The following CENPP variants were observed in gnomAD, a reference collection of about 807,000 sequenced individuals.
CENPP encodes centromere protein P.
CENPP carries 24 observed loss-of-function variants against 35.6 expected under a neutral mutation model. The observed-to-expected ratio is 0.67, with a 90% CI of 0.49 to 0.95. The LOEUF (loss-of-function observed/expected upper bound fraction) is 0.95, where lower values mean the gene tolerates loss of function less well. CENPP is among the 40% of genes least tolerant of loss of function. The probability of loss-of-function intolerance (pLI) is 0.00; values close to 1 mark genes in which losing one functional copy is unlikely to be tolerated. For missense variants in CENPP, 332 were observed against 345.3 expected (o/e 0.96, Z 0.31); for synonymous variants, 120 against 125.5 (o/e 0.96, Z 0.29).
intron 5 of CENPP, chr9:92,456,776 G>A (rs1844893650): frequency 5.0e-6 from 1 of 201,638 alleles, no homozygotes; most frequent in African/African-American, 2.4e-5. Context: ...ATTTCAATAA[G>A]ATTATATCAA....
intron 3 of CENPP, among the ~76,000 whole-genome samples, chr9:92,341,162 A>G (rs1176871476): frequency 1.3e-5 from 2 of 152,070 alleles, no homozygotes; most frequent in African/African-American, 2.4e-5. Context: ...GGAAATTCCC[A>G]CCTAATAAAT....
chr9:92,392,835 AG>A (rs1842742020), intron 5 of CENPP, among the ~76,000 whole-genome samples: 1 of 152,208 alleles, frequency 6.6e-6, no homozygotes, highest in African/African-American at 2.4e-5. Context: ...GAGAAGATAT[AG>A]TTGCCCATAT....
chr9:92,439,705 C>T (rs1844339044), intron 5 of CENPP, among the ~76,000 whole-genome samples: 1 of 152,178 alleles, frequency 6.6e-6, no homozygotes, highest in South Asian at 2.1e-4. Flanking sequence ...AGTCCTCTTT[C>T]TCAATCCCAT....
rs544584678 is a variant in CENPP, at chr9:92,512,767, T to C, written c.565-98547T>C. 2.6e-5 allele frequency among the ~76,000 whole-genome samples: 4 copies of C among 152,326 alleles called. No individual in the cohort carries two copies. In the South Asian group the frequency reaches 8.3e-4, roughly 32 times the overall value. On this transcript the variant is annotated intron_variant, in intron 5 of 7. Transcript: ENST00000375587. ...GGAAAGTGAGCATACCAGTAGTACATACCATAAAAGCCACGTGGTGACCTT... is the reference window on the plus strand; with the variant it reads ...GGAAAGTGAGCATACCAGTAGTACACACCATAAAAGCCACGTGGTGACCTT...
chr9:92,412,052 A>T (rs1053833242), intron 5 of CENPP, among the ~76,000 whole-genome samples: 3 of 152,068 alleles, frequency 2.0e-5, no homozygotes, highest in Non-Finnish European at 4.4e-5. Context: ...TCATCTTTTT[A>T]AAGTATATAA....
intron 1 of CENPP, among the ~76,000 whole-genome samples, chr9:92,327,245 C>A (rs1397342454): frequency 4.6e-5 from 7 of 152,194 alleles, no homozygotes; most frequent in Non-Finnish European, 1.0e-4. Context: ...TTTCATTAGT[C>A]CCCATAGTAG....
chr9:92,386,379 G>T, intron 5 of CENPP: 1 of 816,716 alleles, frequency 1.2e-6, no homozygotes, highest in Non-Finnish European at 2.1e-6. Flanking sequence ...GTGCATATGA[G>T]TATATGTCTA....
intron 4 of CENPP, among the ~76,000 whole-genome samples, chr9:92,363,772 C>G (rs1414120503): frequency 6.6e-6 from 1 of 152,046 alleles, no homozygotes; most frequent in Non-Finnish European, 1.5e-5. Context: ...GTCCTTTCTT[C>G]CATATTGAGA....
At chr9:92,343,962 C>CAAAAAAA (rs35920973) in intron 3 of CENPP, among the ~76,000 whole-genome samples, 2 of 60,984 alleles carry the variant, frequency 3.3e-5, no homozygotes, top group African/African-American at 6.6e-5. Flanking sequence ...AACCCTGTCT[C>CAAAAAAA]AAAAAAAAAA....
intron 5 of CENPP, among the ~76,000 whole-genome samples, chr9:92,485,973 CA>C (rs1846047548): frequency 6.6e-6 from 1 of 152,198 alleles, no homozygotes; most frequent in Non-Finnish European, 1.5e-5. Flanking sequence ...TGGTGTCCTT[CA>C]CATTCTAAAT....
chr9:92,478,544 C>T (rs1845794712), intron 5 of CENPP, among the ~76,000 whole-genome samples: 1 of 152,108 alleles, frequency 6.6e-6, no homozygotes, highest in Admixed American at 6.5e-5. Context: ...ACCTCCACGT[C>T]CCAGGTTCAA....
At chr9:92,538,627 G>C (rs1002177102) in intron 5 of CENPP, among the ~76,000 whole-genome samples, 1 of 152,182 alleles carries the variant, frequency 6.6e-6, no homozygotes, top group Non-Finnish European at 1.5e-5. Flanking sequence ...AAATTTTGTG[G>C]TTTAATGGAC....
intron 5 of CENPP, among the ~76,000 whole-genome samples, chr9:92,489,031 G>T (rs1319939115): frequency 6.6e-6 from 1 of 152,160 alleles, no homozygotes; most frequent in Non-Finnish European, 1.5e-5. Context: ...ATGCCTTTAT[G>T]ATTTAGTTGT....
intron 5 of CENPP, among the ~76,000 whole-genome samples, chr9:92,599,724 T>G (rs1383939476): frequency 6.6e-6 from 1 of 152,270 alleles, no homozygotes; most frequent in Non-Finnish European, 1.5e-5. Context: ...GCCCAGTGGT[T>G]GTTTTTTTAA....
chr9:92,513,751 C>G (rs1284989788), intron 5 of CENPP, among the ~76,000 whole-genome samples: 1 of 152,168 alleles, frequency 6.6e-6, no homozygotes, highest in East Asian at 1.9e-4. Flanking sequence ...GAAAACAGAT[C>G]AGTGTTCTGT....
chr9:92,392,992 A>T (rs72752444), intron 5 of CENPP: 37,357 of 961,552 alleles, frequency 0.039, 931 homozygotes, highest in South Asian at 0.078. Flanking sequence ...GACAAACCTG[A>T]ATGTGATAGG....
chr9:92,507,251 A>G (rs746531024), intron 5 of CENPP, among the ~76,000 whole-genome samples: 16 of 152,218 alleles, frequency 1.1e-4, no homozygotes, highest in Non-Finnish European at 1.9e-4. Context: ...AAATTGGGAT[A>G]AGTGGTTATA....
intron 5 of CENPP, among the ~76,000 whole-genome samples, chr9:92,592,605 G>A (rs1002595682): frequency 6.6e-6 from 1 of 152,132 alleles, no homozygotes; most frequent in African/African-American, 2.4e-5. Context: ...ATGAGCATTG[G>A]GAACACGTGT....
At chr9:92,355,287 G>A (rs1200080128) in intron 4 of CENPP, among the ~76,000 whole-genome samples, 1 of 152,016 alleles carries the variant, frequency 6.6e-6, no homozygotes, top group Non-Finnish European at 1.5e-5. Context: ...CTCCCCCCAG[G>A]AATGCATTCC....
Sources: allele counts gnomAD v4.1 joint callset (sites outside exome capture counted in the v4.1 genomes callset), GRCh38; gene constraint gnomAD v4.1.1; transcripts MANE v1.5; gene names NCBI Gene and HGNC (gene_info 2026-07-23, HGNC 2026-07-21).